Variants in ELL observed in about 807,000 individuals in gnomAD.
ELL encodes the protein RNA polymerase II elongation factor ELL.
ELL carries 18 observed loss-of-function variants against 64.0 expected under a neutral mutation model. The ratio of observed to expected loss-of-function variants is 0.28; its 90% CI spans 0.19 to 0.42. ELL has a LOEUF of 0.42. ELL is among the 10% of genes least tolerant of loss of function. The pLI, the probability that ELL is intolerant of heterozygous loss-of-function variation, is 1.00. For missense variants in ELL, 797 were observed against 870.4 expected (o/e 0.92, Z 1.06); for synonymous variants, 399 against 376.2 (o/e 1.06, Z -0.70).
intron 2 of ELL, chr19:18,472,540 G>A (rs1975085043): frequency 4.7e-6 from 2 of 425,716 alleles, no homozygotes; most frequent in Non-Finnish European, 8.4e-6. Flanking sequence ...CCAGTGCTGG[G>A]GGTTGGGGGC....
chr19:18,506,306 C>T (rs1975883723), intron 1 of ELL, among the ~76,000 whole-genome samples: 1 of 152,246 alleles, frequency 6.6e-6, no homozygotes, highest in Admixed American at 6.5e-5. Flanking sequence ...GGTGCGCCTG[C>T]TCCTAAGCCG....
At chr19:18,516,064 C>G (rs1976120859) in intron 1 of ELL, among the ~76,000 whole-genome samples, 1 of 152,182 alleles carries the variant, frequency 6.6e-6, no homozygotes, top group African/African-American at 2.4e-5. Context: ...AGAAGCTGCC[C>G]TGCTCAGAAC....
At chr19:18,470,297 T>G (rs555803279) in intron 2 of ELL, among the ~76,000 whole-genome samples, 33 of 152,318 alleles carry the variant, frequency 2.2e-4, no homozygotes, top group African/African-American at 7.5e-4. Context: ...CAGGCTGCAG[T>G]GTGTCATCTG....
chr19:18,469,136 C>T (rs992082580), intron 2 of ELL, among the ~76,000 whole-genome samples: 1 of 152,086 alleles, frequency 6.6e-6, no homozygotes, highest in African/African-American at 2.4e-5. Flanking sequence ...AGCTGATGCT[C>T]GGGAGAGTGT....
intron 6 of ELL, among the ~76,000 whole-genome samples, chr19:18,456,406 C>T (rs1473249608): frequency 6.6e-6 from 1 of 152,096 alleles, no homozygotes; most frequent in East Asian, 1.9e-4. Flanking sequence ...ACCGCCGGCT[C>T]AGCAGGACCA....
chr19:18,483,150 C>A (rs974801085), intron 1 of ELL, among the ~76,000 whole-genome samples: 6 of 152,128 alleles, frequency 3.9e-5, no homozygotes, highest in Non-Finnish European at 5.9e-5. Flanking sequence ...CCCCTCTCCC[C>A]TCCCAAACTA....
chr19:18,476,253 G>A (rs933936117), intron 1 of ELL, among the ~76,000 whole-genome samples: 7 of 152,230 alleles, frequency 4.6e-5, no homozygotes, highest in Non-Finnish European at 8.8e-5. Flanking sequence ...GGGTCGGCCC[G>A]GGGCTAACAC....
intron 1 of ELL, among the ~76,000 whole-genome samples, chr19:18,480,617 G>A (rs1975279726): frequency 1.3e-5 from 2 of 152,292 alleles, no homozygotes; most frequent in South Asian, 2.1e-4. Flanking sequence ...TTCAGTGGCC[G>A]GCATAGCAAG....
At chr19:18,504,076 G>C (rs1975835808) in intron 1 of ELL, among the ~76,000 whole-genome samples, 1 of 152,272 alleles carries the variant, frequency 6.6e-6, no homozygotes. Context: ...AGCGTGCAGA[G>C]GATCTGCGGG....
chr19:18,476,833 G>A (rs1010772179), intron 1 of ELL, among the ~76,000 whole-genome samples: 9 of 152,118 alleles, frequency 5.9e-5, no homozygotes, highest in Middle Eastern at 3.2e-3. Flanking sequence ...CATCACGCAC[G>A]CATGAGGGTG....
At chr19:18,491,672 T>C (rs1476419601) in intron 1 of ELL, among the ~76,000 whole-genome samples, 2 of 152,020 alleles carry the variant, frequency 1.3e-5, no homozygotes, top group Admixed American at 6.5e-5. Context: ...CCCAGCACTT[T>C]GGGAAGCCAA....
rs779727475 is a variant in ELL, at chr19:18,450,710, C to G, written c.1232G>C (p.Cys411Ser). 6.3e-7 allele frequency: 1 copy of G among 1,585,436 alleles called. No individual in the cohort carries two copies. The highest frequency in any genetic ancestry group is 1.1e-5 in the South Asian group (1 of 88,356). ...TGGGGCAGCCGCCTCTCCGTGCTCA[C>G]AGTCTCGGCCGCTGTGGCCCAGGTC... ...SNDLGHSGRDCEHGEAAAPAP... is the reference protein window; with the variant it reads ...SNDLGHSGRDSEHGEAAAPAP... The change falls in exon 8 of 12, where the codon TGT becomes TCT. Residue 411 changes from cysteine (C) to serine (S), a missense_variant. Transcript: ENST00000262809.
At chr19:18,518,039 G>A (rs951480564) in intron 1 of ELL, among the ~76,000 whole-genome samples, 27 of 151,056 alleles carry the variant, frequency 1.8e-4, no homozygotes, top group Non-Finnish European at 4.0e-4. Context: ...TGACCAACAT[G>A]GTAAAACCCC....
In ELL at chr19:18,445,254, C is replaced by T. The variant is rs1161100075; in HGVS notation, c.1719G>A (p.Gln573=). The T allele has an allele frequency of 6.2e-7, 1 of 1,614,032 alleles. No individual in the cohort carries two copies. The highest frequency in any genetic ancestry group is 8.5e-7 in the Non-Finnish European group (1 of 1,180,016). The part of the protein sequence containing the change: ...GSEEYETTRG[Q]ILQEYRKIKK... ...TGATTTTTCGATATTCCTGCAAAAT[C>T]TGCCCTCGAGTAGTCTAGAAGAAAA... Residue 573 remains glutamine, a synonymous_variant, in exon 11 of 12, where the codon CAG becomes CAA. Transcript: ENST00000262809.
At chr19:18,444,890 C>A in intron 11 of ELL, 22 bp from the exon 12 acceptor site, 1 of 1,603,050 alleles carries the variant, frequency 6.2e-7, no homozygotes, top group South Asian at 1.1e-5. Context: ...CACAGTCATG[C>A]TCAGGACAGA....
At chr19:18,474,796 C>T (rs543880954) in intron 1 of ELL, among the ~76,000 whole-genome samples, 1 of 152,318 alleles carries the variant, frequency 6.6e-6, no homozygotes, top group African/African-American at 2.4e-5. Context: ...CTGGCTGGGA[C>T]CTTGGGGAAG....
At chr19:18,507,767 C>T (rs887420045) in intron 1 of ELL, among the ~76,000 whole-genome samples, 6 of 152,216 alleles carry the variant, frequency 3.9e-5, no homozygotes, top group African/African-American at 1.4e-4. Flanking sequence ...GGTTGTGCCC[C>T]GCCGAACAAC....
intron 2 of ELL, chr19:18,471,019 T>A (rs750158323): frequency 3.5e-5 from 16 of 456,210 alleles, no homozygotes; most frequent in Non-Finnish European, 6.2e-5. Flanking sequence ...CACATCCAGC[T>A]GTGCAGAGCT....
chr19:18,462,108 T>C (rs1484818745), intron 4 of ELL, among the ~76,000 whole-genome samples: 1 of 151,962 alleles, frequency 6.6e-6, no homozygotes, highest in African/African-American at 2.4e-5. Context: ...TGTTAGAGCC[T>C]TACTTACTTC....
Sources: allele counts gnomAD v4.1 joint callset (sites outside exome capture counted in the v4.1 genomes callset), GRCh38; gene constraint gnomAD v4.1.1; transcripts MANE v1.5; gene names NCBI Gene and HGNC (gene_info 2026-07-23, HGNC 2026-07-21).